The following MYZAP variants were observed in gnomAD, a reference collection of about 807,000 sequenced individuals.
The protein encoded by MYZAP is myocardial zonula adherens protein.
A neutral mutation model predicts 69.4 loss-of-function variants in MYZAP; 66 were observed. The ratio of observed to expected loss-of-function variants is 0.95; its 90% CI spans 0.78 to 1.17. The LOEUF is 1.17. Among genes scored for constraint, MYZAP ranks in the 50% most tolerant of loss-of-function variants. The pLI, the probability that MYZAP is intolerant of heterozygous loss-of-function variation, is 0.00. For missense variants in MYZAP, 611 were observed against 556.2 expected (o/e 1.10, Z -0.99); for synonymous variants, 256 against 205.9 (o/e 1.24, Z -2.09).
At chr15:57,628,222 C>T (rs941320214) in intron 5 of MYZAP, among the ~76,000 whole-genome samples, 4 of 152,148 alleles carry the variant, frequency 2.6e-5, no homozygotes, top group Non-Finnish European at 5.9e-5. Context: ...GGAGAGTTAA[C>T]CAAGTAGAAA....
At chr15:57,673,432 CTCTG>C (rs1427713419) in intron 11 of MYZAP, among the ~76,000 whole-genome samples, 6 of 151,766 alleles carry the variant, frequency 4.0e-5, no homozygotes, top group South Asian at 4.2e-4. Flanking sequence ...CTCTCTCTCT[CTCTG>C]TCTGCACGTG....
intron 2 of MYZAP, among the ~76,000 whole-genome samples, chr15:57,607,732 G>C (rs2034845123): frequency 6.6e-6 from 1 of 152,204 alleles, no homozygotes; most frequent in Non-Finnish European, 1.5e-5. Context: ...AGAAGAACTG[G>C]GGTAGAGGGG....
At chr15:57,605,537 A>T (rs1162544814) in intron 2 of MYZAP, among the ~76,000 whole-genome samples, 3 of 152,176 alleles carry the variant, frequency 2.0e-5, no homozygotes, top group Non-Finnish European at 4.4e-5. Flanking sequence ...AGTTTACCAT[A>T]GGTCTCTGTC....
At chr15:57,624,031 G>T (rs1396868874) in intron 4 of MYZAP, among the ~76,000 whole-genome samples, 4 of 152,174 alleles carry the variant, frequency 2.6e-5, no homozygotes, top group African/African-American at 9.7e-5. Flanking sequence ...GGGAGGCAGG[G>T]TGGTAACTGA....
intron 11 of MYZAP, among the ~76,000 whole-genome samples, chr15:57,665,992 C>T (rs1741802893): frequency 6.6e-6 from 1 of 152,174 alleles, no homozygotes; most frequent in South Asian, 2.1e-4. Flanking sequence ...TAGGGATAAT[C>T]CCTCCCACTT....
chr15:57,666,832 AAG>A (rs1252088193), intron 11 of MYZAP, among the ~76,000 whole-genome samples: 1 of 152,160 alleles, frequency 6.6e-6, no homozygotes. Flanking sequence ...AAATGTGAAA[AAG>A]AAAATCTTCC....
chr15:57,663,664 C>T (rs2038422212), intron 11 of MYZAP, among the ~76,000 whole-genome samples: 1 of 152,112 alleles, frequency 6.6e-6, no homozygotes, highest in Non-Finnish European at 1.5e-5. Context: ...TTCTAGCCTG[C>T]CCTCGGCAGA....
chr15:57,651,876 G>C (rs191893976), intron 10 of MYZAP, among the ~76,000 whole-genome samples: 1 of 152,138 alleles, frequency 6.6e-6, no homozygotes, highest in African/African-American at 2.4e-5. Context: ...TTAGGTACCC[G>C]GGGGAGCCAG....
At chr15:57,614,700 G>C (rs1391824937) in intron 2 of MYZAP, among the ~76,000 whole-genome samples, 1 of 152,150 alleles carries the variant, frequency 6.6e-6, no homozygotes, top group Non-Finnish European at 1.5e-5. Context: ...AGGCTCTTGG[G>C]TTCCTACGGC....
chr15:57,631,666 C>A (rs2140436305), intron 6 of MYZAP, among the ~76,000 whole-genome samples: 1 of 152,248 alleles, frequency 6.6e-6, no homozygotes, highest in Non-Finnish European at 1.5e-5. Flanking sequence ...AACACTTACC[C>A]AGTGATGAGA....
chr15:57,595,616 C>G (rs1382049762), intron 1 of MYZAP, among the ~76,000 whole-genome samples: 1 of 148,766 alleles, frequency 6.7e-6, no homozygotes, highest in Non-Finnish European at 1.5e-5. Flanking sequence ...ACAATACTTA[C>G]TGCCGAGTAT....
chr15:57,611,816 G>A (rs955665804), intron 2 of MYZAP, among the ~76,000 whole-genome samples: 1 of 152,058 alleles, frequency 6.6e-6, no homozygotes, highest in Non-Finnish European at 1.5e-5. Context: ...CATAGCACAC[G>A]ATTGCCTTGA....
intron 4 of MYZAP, among the ~76,000 whole-genome samples, chr15:57,624,808 C>T (rs1380830553): frequency 3.9e-5 from 6 of 152,170 alleles, no homozygotes; most frequent in Non-Finnish European, 7.4e-5. Flanking sequence ...CACAAAGCTG[C>T]CACATGCTCC....
chr15:57,670,088 T>G (rs1357477213), intron 11 of MYZAP, among the ~76,000 whole-genome samples: 2 of 152,156 alleles, frequency 1.3e-5, no homozygotes, highest in African/African-American at 4.8e-5. Flanking sequence ...TATATTTTGC[T>G]GTTGTGTATA....
intron 2 of MYZAP, among the ~76,000 whole-genome samples, chr15:57,613,676 G>T (rs1012803521): frequency 6.6e-6 from 1 of 152,074 alleles, no homozygotes; most frequent in Non-Finnish European, 1.5e-5. Context: ...TGGCCATAAG[G>T]AGGTTTTAAA....
intron 10 of MYZAP, among the ~76,000 whole-genome samples, chr15:57,645,320 A>T (rs777277028): frequency 6.6e-6 from 1 of 152,224 alleles, no homozygotes; most frequent in Non-Finnish European, 1.5e-5. Flanking sequence ...AACTCTTCAG[A>T]GAGTTGAGAC....
In MYZAP at chr15:57,629,772, A is replaced by G. The variant is rs1329749089; in HGVS notation, c.596A>G (p.Tyr199Cys). 4 of 1,614,156 alleles carry G rather than the reference A, an allele frequency of 2.5e-6. No homozygotes were observed. The highest frequency in any genetic ancestry group is 3.3e-5 in the Admixed American group (2 of 59,986). Residue 199 changes from tyrosine (Y) to cysteine (C), a missense_variant, in exon 6 of 13, where the codon TAT becomes TGT. Coordinates refer to ENST00000267853, the MANE Select transcript of MYZAP (RefSeq NM_001018100.5). ...CAAATCAGAAATCTGCAGCAGACGT[A>G]TGAAGCATCCATGGACAAGCTGAGG... ...KDQIRNLQQT[Y>C]EASMDKLREK... is the part of the protein sequence containing the mutation.
At chr15:57,662,338 A>G (rs1356413475) in intron 11 of MYZAP, among the ~76,000 whole-genome samples, 5 of 152,204 alleles carry the variant, frequency 3.3e-5, no homozygotes, top group Admixed American at 2.0e-4. Context: ...ACAGTGAGAG[A>G]GCCCAGCAGA....
intron 6 of MYZAP, among the ~76,000 whole-genome samples, chr15:57,630,695 G>A (rs1405043024): frequency 2.0e-5 from 3 of 152,118 alleles, no homozygotes; most frequent in Non-Finnish European, 2.9e-5. Context: ...CTTCCTACCC[G>A]GTGACAGGAG....
Sources: gnomAD v4.1 joint callset for allele counts (sites outside exome capture counted in the v4.1 genomes callset) on GRCh38, gnomAD v4.1.1 for gene constraint, MANE v1.5 for transcripts, NCBI Gene and HGNC (gene_info 2026-07-23, HGNC 2026-07-21) for gene names.